The following CSNK1D variants were observed in gnomAD, a reference collection of about 807,000 sequenced individuals.
CSNK1D encodes casein kinase 1 delta.
Under a neutral mutation model 46.6 loss-of-function variants are expected in CSNK1D, and 16 were observed. That is an observed-to-expected ratio of 0.34 (90% CI 0.23 to 0.52). The LOEUF (loss-of-function observed/expected upper bound fraction) is 0.52. CSNK1D is among the 20% of genes least tolerant of loss of function. CSNK1D has a pLI of 0.95. For missense variants in CSNK1D, 398 were observed against 578.4 expected, an observed-to-expected ratio of 0.69 and a Z score of 3.20; for synonymous variants, 276 against 228.2, an observed-to-expected ratio of 1.21 and a Z score of -1.89.
intron 2 of CSNK1D, among the ~76,000 whole-genome samples, chr17:82,262,135 T>C (rs1437424834): frequency 1.3e-5 from 2 of 152,246 alleles, no homozygotes; most frequent in Non-Finnish European, 2.9e-5. Flanking sequence ...TTTTAGTTTC[T>C]TTCTACTATT....
rs1197839849 is a variant in CSNK1D at position 82,255,154 on chromosome 17, G to C, written c.336+275C>G. The C allele has an allele frequency of 4.3e-6, 2 of 465,426 alleles. No homozygotes were observed. Among genetic ancestry groups the C allele is most frequent in the Admixed American group, 6.8e-5 (2 of 29,532 alleles). The allele number at this position is 465,426 out of a possible 1,614,324, so 28.8% of individuals were successfully genotyped here. A position where few individuals can be genotyped will look rare whatever the true frequency, so the allele number is the denominator to read the frequency against. On this transcript the variant is annotated intron_variant, in intron 3 of 8. Transcript: ENST00000314028. The surrounding 1 kb of genome is among the most constrained non-coding windows in gnomAD (Gnocchi z 5.9). ...CGGAGCCTCCAGAAGCCAGTGAGCT[G>C]GGCCGCCGGAGCCTCGAGAAGCCAG...
At chr17:82,254,948 C>T (rs1454955047) in intron 3 of CSNK1D, among the ~76,000 whole-genome samples, 4 of 78,304 alleles carry the variant, frequency 5.1e-5, no homozygotes, top group African/African-American at 2.3e-4. Flanking sequence ...GGAGCCTCGA[C>T]AAGCCAGTGA....
At position 82,249,808 on chromosome 17, in the gene CSNK1D, C is replaced by T. The variant is rs2050954122; in HGVS notation, c.886-206G>A. 1 of 1,436,442 alleles carries T rather than the reference C, an allele frequency of 7.0e-7. No homozygotes were observed. 89.0% of individuals were successfully genotyped at this position (1,436,442 alleles called of 1,614,324 possible). Reference sequence around the variant, plus strand: ...GGGGTCAGAGCCAGGCCTCTCAGCTCCCCCAACAATCGAAAAAACCCCACT... The same window carrying T: ...GGGGTCAGAGCCAGGCCTCTCAGCTTCCCCAACAATCGAAAAAACCCCACT... On this transcript the variant is annotated intron_variant, in intron 6 of 8. Transcript: ENST00000314028. The surrounding 1 kb of genome is among the most constrained non-coding windows in gnomAD (Gnocchi z 6.7).
At chr17:82,245,770 GCTCT>G (rs995175191) in intron 8 of CSNK1D, among the ~76,000 whole-genome samples, 4 of 152,238 alleles carry the variant, frequency 2.6e-5, no homozygotes, top group African/African-American at 7.2e-5. Flanking sequence ...CTGTTCCAAA[GCTCT>G]CTGTGGACAG....
chr17:82,240,914 C>G (rs764709827), downstream of CSNK1D, among the ~76,000 whole-genome samples: 21 of 152,158 alleles, frequency 1.4e-4, no homozygotes, highest in Admixed American at 7.9e-4. Context: ...TGGGTCTGCT[C>G]TGACCCGACA....
intron 8 of CSNK1D, 110 bp from the exon 9 acceptor site, chr17:82,244,941 GC>G: frequency 1.4e-6 from 2 of 1,447,196 alleles, no homozygotes; most frequent in African/African-American, 1.4e-5. Flanking sequence ...CCACCGCCTA[GC>G]CCCAGTCTAG....
intron 2 of CSNK1D, chr17:82,260,769 T>A (rs1194274957): frequency 2.6e-5 from 4 of 154,464 alleles, no homozygotes; most frequent in Admixed American, 2.0e-4. Flanking sequence ...TACTGACTGA[T>A]GTGACTGATG....
At position 82,251,238 on chromosome 17, in the gene CSNK1D, C is replaced by T; in HGVS notation, c.885+141G>A. On this transcript the variant is annotated intron_variant, in intron 6 of 8. Transcript: ENST00000314028. The surrounding 1 kb of genome is among the most constrained non-coding windows in gnomAD (Gnocchi z 4.5). ...GGCAGACACCCACTCAGTCCAGGTCCTGCCCACTACACACTTGCCCTTCAC... is the reference window on the plus strand; with the variant it reads ...GGCAGACACCCACTCAGTCCAGGTCTTGCCCACTACACACTTGCCCTTCAC... 1 of 992,832 alleles carries T rather than the reference C, an allele frequency of 1.0e-6. No individual in the cohort carries two copies. Among genetic ancestry groups the T allele is most frequent in the South Asian group, 1.4e-5 (1 of 71,744 alleles). The allele number at this position is 992,832 out of a possible 1,614,324, so 61.5% of individuals were successfully genotyped here.
At chr17:82,242,383 G>A (rs2050753429), downstream of CSNK1D, among the ~76,000 whole-genome samples, 2 of 152,186 alleles carry the variant, frequency 1.3e-5, no homozygotes, top group African/African-American at 2.4e-5. Context: ...TGCCGGTGCC[G>A]CCCGAGAAGG....
rs1431880674 is a variant in CSNK1D, at chr17:82,252,612, G to A, written c.566-8C>T. 6.2e-7 allele frequency: 1 copy of A among 1,613,092 alleles called. No individual in the cohort carries two copies. The highest frequency in any genetic ancestry group is 8.5e-7 in the Non-Finnish European group (1 of 1,179,914). On this transcript the variant is annotated splice_polypyrimidine_tract_variant and splice_region_variant and intron_variant, in intron 4 of 8. Coordinates refer to ENST00000314028, the MANE Select transcript of CSNK1D (RefSeq NM_001893.6). This position sits in a 1 kb window ranked among gnomAD's most constrained non-coding sequence, Gnocchi z 4.6. Reference sequence around the variant, plus strand: ...CATCTCTTCGGGATTGTTCTGAAAAGAAAAGGGAAAGGCGTGAAGAACGGC... The same window carrying A: ...CATCTCTTCGGGATTGTTCTGAAAAAAAAAGGGAAAGGCGTGAAGAACGGC...
At position 82,248,650 on chromosome 17, in the gene CSNK1D, T is replaced by C. The variant is rs1017224354; in HGVS notation, c.1197+225A>G. 7.2e-7 allele frequency: 1 copy of C among 1,391,386 alleles called. No homozygotes were observed. Among genetic ancestry groups the C allele is most frequent in the Non-Finnish European group, 9.3e-7 (1 of 1,071,462 alleles). The allele number at this position is 1,391,386 out of a possible 1,614,324, so 86.2% of individuals were successfully genotyped here. ...GCCTCAGGGACCTGAGACCTGAGAC[T>C]GGCCACCTGCAACCAGGAGACAAGC... On this transcript the variant is annotated intron_variant, in intron 8 of 8. Coordinates refer to ENST00000314028, the MANE Select transcript of CSNK1D (RefSeq NM_001893.6). The surrounding 1 kb of genome is among the most constrained non-coding windows in gnomAD (Gnocchi z 4.1).
chr17:82,245,044 G>T (rs1407767986), intron 8 of CSNK1D: 2 of 662,488 alleles, frequency 3.0e-6, no homozygotes, highest in African/African-American at 1.8e-5. Flanking sequence ...GGAGGAAGAG[G>T]CATGCAAGCA....
At chr17:82,268,835 T>C (rs937246951) in intron 1 of CSNK1D, among the ~76,000 whole-genome samples, 1 of 152,050 alleles carries the variant, frequency 6.6e-6, no homozygotes, top group African/African-American at 2.4e-5. Flanking sequence ...GGTTCACGCC[T>C]GTAATCCCAG....
At chr17:82,254,024 A>G (rs1422775919) in intron 3 of CSNK1D, 6 of 187,612 alleles carry the variant, frequency 3.2e-5, no homozygotes, top group Non-Finnish European at 4.8e-5. Context: ...CAGTCAGCTG[A>G]GCCGCCGGAG....
chr17:82,239,065 A>G, downstream of CSNK1D: 2 of 1,329,734 alleles, frequency 1.5e-6, no homozygotes, highest in South Asian at 1.6e-5. Flanking sequence ...TGGCTCAGGC[A>G]GGGCCACGGC....
Position 82,255,869 on chromosome 17 carries a change from A to G in CSNK1D, c.188-292T>C, listed in dbSNP as rs911027320. On this transcript the variant is annotated intron_variant, in intron 2 of 8. Transcript: ENST00000314028. The surrounding 1 kb of genome is among the most constrained non-coding windows in gnomAD (Gnocchi z 5.9). ...CTCCCCGACTCCCGTCTTCTAGGGC[A>G]GGGGGGCAGGAGACACAGAAAGCAG... Among the ~76,000 whole-genome samples, 1 of 152,210 alleles carries G rather than the reference A, an allele frequency of 6.6e-6. No homozygotes were observed. The highest frequency in any genetic ancestry group is 1.5e-5 in the Non-Finnish European group (1 of 68,030).
rs974300785 is a variant in CSNK1D, at chr17:82,251,105, G to C, written c.885+274C>G. 4 of 462,632 alleles carry C rather than the reference G, an allele frequency of 8.6e-6. No individual in the cohort carries two copies. The East Asian group carries it at 1.7e-4, about 20-fold the overall frequency. The allele number at this position is 462,632 out of a possible 1,614,324, so 28.7% of individuals were successfully genotyped here. A position where few individuals can be genotyped will look rare whatever the true frequency, so the allele number is the denominator to read the frequency against. On this transcript the variant is annotated intron_variant, in intron 6 of 8. Transcript: ENST00000314028. The surrounding 1 kb of genome is among the most constrained non-coding windows in gnomAD (Gnocchi z 4.5). ...AGGGCATGCTCTGGGCCCTAGCTCC[G>C]CTTGGTGACAGGGAGGGAAGGGGCC...
At chr17:82,253,596 G>A in intron 3 of CSNK1D, 1 of 368,000 alleles carries the variant, frequency 2.7e-6, no homozygotes, top group South Asian at 2.2e-5. Context: ...GCACGGAGGT[G>A]CTTAGGAATC....
intron 1 of CSNK1D, among the ~76,000 whole-genome samples, chr17:82,268,894 G>T (rs530329116): frequency 6.6e-6 from 1 of 152,004 alleles, no homozygotes; most frequent in South Asian, 2.1e-4. Context: ...AGGCATTCGA[G>T]ACCAGCCTGG....
Sources: allele counts gnomAD v4.1 joint callset (sites outside exome capture counted in the v4.1 genomes callset), GRCh38; gene constraint gnomAD v4.1.1; non-coding constraint Gnocchi (gnomAD v3.1); transcripts MANE v1.5; gene names NCBI Gene and HGNC (gene_info 2026-07-23, HGNC 2026-07-21).